MAST4: variants seen among roughly 807,000 people sequenced by gnomAD.
The protein encoded by MAST4 is microtubule-associated serine/threonine-protein kinase 4.
MAST4 carries 89 observed loss-of-function variants against 162.7 expected under a neutral mutation model. The observed-to-expected ratio is 0.55, with a 90% CI of 0.46 to 0.65. The LOEUF (loss-of-function observed/expected upper bound fraction) is 0.65. Ranked by LOEUF, MAST4 falls within the 30% of genes least tolerant of loss-of-function variation. MAST4 has a pLI of 0.00. For synonymous variants in MAST4, 1,479 were observed against 1,361.1 expected, an observed-to-expected ratio of 1.09 and a Z score of -1.91; for missense variants, 3,153 against 3,374.0, an observed-to-expected ratio of 0.93 and a Z score of 1.62.
intron 1 of MAST4, among the ~76,000 whole-genome samples, chr5:66,699,073 C>T (rs1749596439): frequency 6.6e-6 from 1 of 152,072 alleles, no homozygotes; most frequent in African/African-American, 2.4e-5. Context: ...ACTAGTTTAC[C>T]ACCTCCAGGC....
intron 4 of MAST4, among the ~76,000 whole-genome samples, chr5:67,016,325 C>G (rs1015318909): frequency 6.6e-6 from 1 of 152,180 alleles, no homozygotes; most frequent in Non-Finnish European, 1.5e-5. Context: ...TGGATAAAAA[C>G]TTTACTATCT....
intron 4 of MAST4, among the ~76,000 whole-genome samples, chr5:66,967,284 G>A (rs528428869): frequency 1.2e-4 from 18 of 152,122 alleles, no homozygotes; most frequent in Non-Finnish European, 2.4e-4. Flanking sequence ...GTAAAACCCT[G>A]GAGGCAGGCT....
At chr5:66,808,502 T>C (rs1371843588) in intron 3 of MAST4, among the ~76,000 whole-genome samples, 1 of 152,180 alleles carries the variant, frequency 6.6e-6, no homozygotes, top group Non-Finnish European at 1.5e-5. Context: ...GAATGTTCTG[T>C]TTTTAAAAGT....
At chr5:66,798,730 A>T (rs1049339151) in intron 3 of MAST4, among the ~76,000 whole-genome samples, 13 of 152,204 alleles carry the variant, frequency 8.5e-5, no homozygotes, top group African/African-American at 2.7e-4. Context: ...ATAAGAATTA[A>T]TGCCTGTTCT....
At position 67,144,800 on chromosome 5, in the gene MAST4, T is replaced by C. The variant is rs183301490; in HGVS notation, c.2858+4T>C. The stretch of plus-strand genomic sequence containing the variant: ...GGAGTTCAGAATATTCTGAAATGTA[T>C]GTGAAATGCCTCTTAAGTAATATAA... On this transcript the variant is annotated splice_donor_region_variant and intron_variant, in intron 22 of 28. Coordinates refer to ENST00000403625, the MANE Select transcript of MAST4 (RefSeq NM_001164664.2). 5.0e-5 allele frequency: 80 copies of C among 1,597,006 alleles called. No individual in the cohort carries two copies. The Admixed American group carries it at 1.3e-3, about 27-fold the overall frequency.
intron 4 of MAST4, among the ~76,000 whole-genome samples, chr5:66,932,958 A>G (rs939973471): frequency 1.1e-4 from 16 of 152,178 alleles, no homozygotes; most frequent in African/African-American, 3.4e-4. Context: ...TCTAGTAAAC[A>G]TAGCTTTTCA....
intron 1 of MAST4, among the ~76,000 whole-genome samples, chr5:66,665,725 T>C (rs1019003596): frequency 2.6e-5 from 4 of 152,162 alleles, no homozygotes; most frequent in African/African-American, 7.2e-5. Context: ...TCTTCACTTA[T>C]TGGGTGTGGA....
chr5:66,671,024 C>T (rs1448695398), intron 1 of MAST4, among the ~76,000 whole-genome samples: 1 of 152,120 alleles, frequency 6.6e-6, no homozygotes, highest in African/African-American at 2.4e-5. Context: ...TTTTACCATG[C>T]ATTAGTTTTT....
rs185230706 is a variant in MAST4, at chr5:66,862,657, T to C, written c.643-37294T>C. Among the ~76,000 whole-genome samples the C allele has an allele frequency of 3.9e-5, 6 of 152,354 alleles. No homozygotes were observed. In the East Asian group the frequency reaches 1.2e-3, roughly 29 times the overall value. ...AATGCCATGATTTCCAAAACACACATATTATGAAGGCTACCAGAAATTTGA... is the reference window on the plus strand; with the variant it reads ...AATGCCATGATTTCCAAAACACACACATTATGAAGGCTACCAGAAATTTGA... On this transcript the variant is annotated intron_variant, in intron 3 of 28. Coordinates refer to ENST00000403625, the MANE Select transcript of MAST4 (RefSeq NM_001164664.2).
At chr5:66,785,861 G>GTAT (rs144481111) in intron 2 of MAST4, among the ~76,000 whole-genome samples, 4 of 151,960 alleles carry the variant, frequency 2.6e-5, no homozygotes, top group African/African-American at 7.3e-5. Context: ...ATTTTGTTTT[G>GTAT]TATTATTATT....
At chr5:66,705,326 A>G (rs1040271959) in intron 1 of MAST4, among the ~76,000 whole-genome samples, 2 of 152,190 alleles carry the variant, frequency 1.3e-5, no homozygotes, top group Non-Finnish European at 2.9e-5. Context: ...CAGAAACCTC[A>G]CTGTAATTAA....
Position 67,057,591 on chromosome 5 carries a change from T to TA in MAST4, c.763+3113dup, listed in dbSNP as rs11351677. 7.8e-3 allele frequency among the ~76,000 whole-genome samples: 867 copies of TA among 111,558 alleles called. 3 individuals are homozygous for TA. Among genetic ancestry groups the TA allele is most frequent in the South Asian group, 0.012 (36 of 3,090 alleles). 73.2% of individuals were successfully genotyped at this position (111,558 alleles called of 152,430 possible). On this transcript the variant is annotated intron_variant, in intron 5 of 28. Coordinates refer to ENST00000403625, the MANE Select transcript of MAST4 (RefSeq NM_001164664.2). ...AGAACAGTGAATAGCACAGTCTCAT[T>TA]AAAAAAAAAAAAAAGAAGGAAAGAA...
At chr5:66,814,462 C>T (rs1217407917) in intron 3 of MAST4, among the ~76,000 whole-genome samples, 3 of 152,126 alleles carry the variant, frequency 2.0e-5, no homozygotes, top group Admixed American at 2.0e-4. Context: ...CCTTCTGGCT[C>T]ATTCAGAGCA....
intron 2 of MAST4, 147 bp from the exon 3 acceptor site, chr5:66,788,523 A>G: frequency 9.6e-7 from 1 of 1,044,484 alleles, no homozygotes; most frequent in Non-Finnish European, 1.4e-6. Flanking sequence ...AAGTTTTCCC[A>G]GGTTGCTATT....
intron 1 of MAST4, among the ~76,000 whole-genome samples, chr5:66,647,828 C>G (rs1352943555): frequency 6.6e-6 from 1 of 152,104 alleles, no homozygotes; most frequent in Non-Finnish European, 1.5e-5. Flanking sequence ...TGCCTCTACT[C>G]TTATTGCCTT....
chr5:67,091,712 C>T (rs1260794883), intron 6 of MAST4, among the ~76,000 whole-genome samples: 1 of 152,018 alleles, frequency 6.6e-6, no homozygotes, highest in Non-Finnish European at 1.5e-5. Flanking sequence ...GTATCTTAAT[C>T]CTGGCAGATT....
intron 21 of MAST4, among the ~76,000 whole-genome samples, 198 bp from the exon 22 acceptor site, chr5:67,144,457 TACACACACACACAC>T (rs57996757): frequency 1.3e-5 from 2 of 149,828 alleles, no homozygotes. Flanking sequence ...CGTATATATG[TACACACACACACAC>T]ACACACACAC....
intron 4 of MAST4, among the ~76,000 whole-genome samples, chr5:67,041,959 A>G (rs765871901): frequency 6.6e-6 from 1 of 152,190 alleles, no homozygotes; most frequent in Non-Finnish European, 1.5e-5. Flanking sequence ...CCTGCTCTAC[A>G]GATCAGTAAA....
chr5:66,812,900 AT>A (rs1225306089), intron 3 of MAST4, among the ~76,000 whole-genome samples: 1 of 152,136 alleles, frequency 6.6e-6, no homozygotes, highest in African/African-American at 2.4e-5. Context: ...GAAGTGTATT[AT>A]TTATGGGAAA....
Sources: gnomAD v4.1 joint callset for allele counts (sites outside exome capture counted in the v4.1 genomes callset) on GRCh38, gnomAD v4.1.1 for gene constraint, MANE v1.5 for transcripts, NCBI Gene and HGNC (gene_info 2026-07-23, HGNC 2026-07-21) for gene names.